Variants in FANK1 observed in about 807,000 individuals in gnomAD.
FANK1 encodes fibronectin type III and ankyrin repeat domains 1.
FANK1 carries 44 observed loss-of-function variants against 45.3 expected under a neutral mutation model. The observed-to-expected ratio is 0.97, with a 90% CI of 0.76 to 1.25. FANK1 has a LOEUF of 1.25. FANK1 is among the 50% of genes most tolerant of loss of function. The probability of loss-of-function intolerance (pLI) is 0.00; values close to 1 mark genes in which losing one functional copy is unlikely to be tolerated. For synonymous variants in FANK1, 149 were observed against 152.5 expected (o/e 0.98, Z 0.17); for missense variants, 391 against 424.4 (o/e 0.92, Z 0.69).
At chr10:125,973,010 G>C (rs1414379872) in intron 1 of FANK1, 1 of 152,336 alleles carries the variant, frequency 6.6e-6, no homozygotes, top group African/African-American at 2.4e-5. Flanking sequence ...CTAGAAGTGA[G>C]GGTTTTTGCT....
intron 1 of FANK1, among the ~76,000 whole-genome samples, chr10:125,931,115 A>G (rs1413036646): frequency 6.6e-6 from 1 of 152,196 alleles, no homozygotes; most frequent in East Asian, 1.9e-4. Flanking sequence ...CTACTTGTTG[A>G]TTGATGGGCA....
At chr10:125,910,284 T>C (rs1457493049) in intron 1 of FANK1, among the ~76,000 whole-genome samples, 2 of 152,224 alleles carry the variant, frequency 1.3e-5, no homozygotes, top group Non-Finnish European at 2.9e-5. Flanking sequence ...TGGGTACTTA[T>C]CCCCCATCTA....
intron 7 of FANK1, among the ~76,000 whole-genome samples, chr10:126,007,526 C>T (rs1471146553): frequency 6.6e-6 from 1 of 152,150 alleles, no homozygotes; most frequent in South Asian, 2.1e-4. Flanking sequence ...TGTAGAAATA[C>T]CCTGAAGTGC....
intron 1 of FANK1, chr10:125,960,452 GT>G (rs1564915789): frequency 5.8e-6 from 1 of 173,158 alleles, no homozygotes; most frequent in Non-Finnish European, 1.2e-5. Flanking sequence ...CGCTAGGCGG[GT>G]CAGCCCTGCC....
At chr10:125,902,721 A>G (rs1289127889) in intron 1 of FANK1, among the ~76,000 whole-genome samples, 1 of 152,212 alleles carries the variant, frequency 6.6e-6, no homozygotes, top group Non-Finnish European at 1.5e-5. Context: ...CCAAGCGGCC[A>G]CGAGGTCATA....
chr10:125,990,857 A>C (rs1951878584), intron 3 of FANK1, among the ~76,000 whole-genome samples: 1 of 152,228 alleles, frequency 6.6e-6, no homozygotes. Flanking sequence ...AAGGCAAAGA[A>C]GGAGTAAAGG....
At chr10:125,930,157 C>T (rs1390667678) in intron 1 of FANK1, among the ~76,000 whole-genome samples, 5 of 151,936 alleles carry the variant, frequency 3.3e-5, no homozygotes, top group African/African-American at 9.7e-5. Flanking sequence ...TGGGTTCAAG[C>T]GATTCTCCTG....
chr10:125,912,199 G>A (rs1252533320), intron 1 of FANK1, among the ~76,000 whole-genome samples: 2 of 152,094 alleles, frequency 1.3e-5, no homozygotes, highest in Non-Finnish European at 2.9e-5. Flanking sequence ...ACAATACCCA[G>A]GCTCTTGGAG....
At chr10:125,918,613 T>C (rs1178936809) in intron 1 of FANK1, among the ~76,000 whole-genome samples, 2 of 128,010 alleles carry the variant, frequency 1.6e-5, no homozygotes, top group Non-Finnish European at 3.2e-5. Flanking sequence ...TATATAGTTA[T>C]ATATACTTTA....
At chr10:125,972,044 G>T (rs978992782) in intron 1 of FANK1, 2 of 152,170 alleles carry the variant, frequency 1.3e-5, no homozygotes, top group South Asian at 2.1e-4. Flanking sequence ...AGTTATTTCT[G>T]TGTGACCTTG....
At chr10:125,987,589 T>C (rs2134209330) in intron 2 of FANK1, among the ~76,000 whole-genome samples, 1 of 151,432 alleles carries the variant, frequency 6.6e-6, no homozygotes. Context: ...AAAAGAAAAA[T>C]TTAGAGATAA....
rs1951102560 is a variant in FANK1, at chr10:125,980,103, T to C, written c.14-58T>C. On this transcript the variant is annotated intron_variant, in intron 1 of 10. Transcript: ENST00000368693. Reference sequence around the variant, plus strand: ...ACCAAGCAGCTGTAATCCACTCGACTGGTCTCTCTTCCTTATGGAAACTGG... The same window carrying C: ...ACCAAGCAGCTGTAATCCACTCGACCGGTCTCTCTTCCTTATGGAAACTGG... 5 of 1,554,976 alleles carry C rather than the reference T, an allele frequency of 3.2e-6. No homozygotes were observed. The Admixed American group carries it at 7.6e-5, about 24-fold the overall frequency.
Position 126,004,895 on chromosome 10 carries a change from C to T in FANK1, c.551C>T (p.Ala184Val), listed in dbSNP as rs1319396630. ...NGSGKDSLMLACYAGHLDVVK... is the reference protein window; with the variant it reads ...NGSGKDSLMLVCYAGHLDVVK... ...TCCATATGTTGCAGTCTAATGCTGG[C>T]GTGCTATGCGGGACACCTAGATGTT... Residue 184 changes from alanine to valine, a missense_variant, in exon 7 of 11, where the codon GCG becomes GTG. By Grantham distance (64) the Ala-to-Val change is moderately conservative (BLOSUM62 0). Transcript: ENST00000368693. 5.0e-6 allele frequency: 8 copies of T among 1,613,946 alleles called. No homozygotes were observed. Among genetic ancestry groups the T allele is most frequent in the East Asian group, 2.2e-5 (1 of 44,890 alleles).
intron 1 of FANK1, among the ~76,000 whole-genome samples, chr10:125,979,214 T>G (rs1951040801): frequency 6.6e-6 from 1 of 152,162 alleles, no homozygotes; most frequent in Admixed American, 6.5e-5. Flanking sequence ...TGGGTCAGGT[T>G]GTTTCCTTGA....
chr10:125,979,381 A>C (rs1294347239), intron 1 of FANK1, among the ~76,000 whole-genome samples: 1 of 152,110 alleles, frequency 6.6e-6, no homozygotes, highest in Non-Finnish European at 1.5e-5. Context: ...TTTCTGCAGA[A>C]GTTTCCAGGG....
chr10:125,941,062 C>A (rs750193644), intron 1 of FANK1, among the ~76,000 whole-genome samples: 1 of 152,182 alleles, frequency 6.6e-6, no homozygotes, highest in Non-Finnish European at 1.5e-5. Flanking sequence ...AGTCTGATCT[C>A]TCTTTTCCCT....
rs372964685 is a variant in FANK1 at position 126,009,221 on chromosome 10, G to T, written c.928-1G>T. 2.5e-6 allele frequency: 4 copies of T among 1,614,056 alleles called. No individual in the cohort carries two copies. Among genetic ancestry groups the T allele is most frequent in the Non-Finnish European group, 3.4e-6 (4 of 1,180,040 alleles). ...AAAATTTTTGTTGTTTCCTGTTTCA[G>T]TTCGGCAAAGGTGTCCTAGAAATGG... On this transcript the variant is annotated splice_acceptor_variant, in intron 9 of 10. Coordinates refer to ENST00000368693, the MANE Select transcript of FANK1 (RefSeq NM_145235.5). LOFTEE classifies it high-confidence loss of function.
intron 1 of FANK1, among the ~76,000 whole-genome samples, chr10:125,924,905 C>T (rs1426767868): frequency 6.7e-6 from 1 of 149,254 alleles, no homozygotes; most frequent in Non-Finnish European, 1.5e-5. Flanking sequence ...GATGAATTTG[C>T]CTTATTTTAT....
At chr10:125,984,413 T>C (rs1951423765) in intron 2 of FANK1, among the ~76,000 whole-genome samples, 1 of 152,212 alleles carries the variant, frequency 6.6e-6, no homozygotes, top group Non-Finnish European at 1.5e-5. Flanking sequence ...GGGAGGTAGA[T>C]AGAATCCTTG....
Sources: allele counts gnomAD v4.1 joint callset (sites outside exome capture counted in the v4.1 genomes callset), GRCh38; gene constraint gnomAD v4.1.1; transcripts MANE v1.5; gene names NCBI Gene and HGNC (gene_info 2026-07-23, HGNC 2026-07-21).